MRE11: variants seen among roughly 807,000 people sequenced by gnomAD.
MRE11 encodes double-strand break repair protein MRE11.
In MRE11, 62 loss-of-function variants were observed where a neutral mutation model predicts 91.7. The observed-to-expected ratio is 0.68, with a 90% CI of 0.55 to 0.84. MRE11 has a LOEUF of 0.84. Ranked by LOEUF, MRE11 falls within the 40% of genes least tolerant of loss-of-function variation. MRE11 has a pLI of 0.00. For missense variants in MRE11, 796 were observed against 852.9 expected (o/e 0.93, Z 0.83); for synonymous variants, 273 against 271.4 (o/e 1.01, Z -0.06).
intron 4 of MRE11, among the ~76,000 whole-genome samples, chr11:94,482,797 G>C (rs1455963632): frequency 2.0e-5 from 3 of 152,132 alleles, no homozygotes; most frequent in Non-Finnish European, 4.4e-5. Context: ...AATTAGCTGG[G>C]CATGGTGGTG....
chr11:94,488,010 G>C (rs1359358772), intron 3 of MRE11, among the ~76,000 whole-genome samples: 1 of 152,198 alleles, frequency 6.6e-6, no homozygotes, highest in African/African-American at 2.4e-5. Flanking sequence ...AAGAGAATGA[G>C]TAAATATAAT....
At chr11:94,478,932 T>C in intron 5 of MRE11, 56 bp from the exon 6 acceptor site, 1 of 1,563,816 alleles carries the variant, frequency 6.4e-7, no homozygotes, top group Admixed American at 1.7e-5. Context: ...GGTATCTGCA[T>C]GAATATCGTA....
Position 94,445,909 on chromosome 11 carries a change from A to G in MRE11, c.1784-16T>C. On this transcript the variant is annotated splice_polypyrimidine_tract_variant and intron_variant, in intron 15 of 19. Coordinates refer to ENST00000323929, the MANE Select transcript of MRE11 (RefSeq NM_005591.4). The stretch of plus-strand genomic sequence containing the variant: ...CCAGTGTCTGCTGTTAGAAAAATGA[A>G]CAGTCAATGTACAAGCCTATCAGCA... The G allele has an allele frequency of 6.3e-7, 1 of 1,587,538 alleles. No individual in the cohort carries two copies. Among genetic ancestry groups the G allele is most frequent in the Admixed American group, 1.7e-5 (1 of 59,978 alleles).
At chr11:94,421,230 T>A (rs1192169178) in intron 19 of MRE11, among the ~76,000 whole-genome samples, 1 of 152,198 alleles carries the variant, frequency 6.6e-6, no homozygotes, top group African/African-American at 2.4e-5. Flanking sequence ...AAAGCAAATT[T>A]GTTTATAAGT....
At chr11:94,485,725 G>C (rs1207799281) in intron 4 of MRE11, among the ~76,000 whole-genome samples, 199 bp downstream of exon 4, 1 of 151,582 alleles carries the variant, frequency 6.6e-6, no homozygotes, top group East Asian at 1.9e-4. Context: ...TCCCACCTCA[G>C]CTTCCCGAGT....
At position 94,437,231 on chromosome 11, in the gene MRE11, A is replaced by G. The variant is rs1219524480; in HGVS notation, c.1872T>C (p.Phe624=). Residue 624 remains phenylalanine, a synonymous_variant, in exon 17 of 20, where the codon TTT becomes TTC. Transcript: ENST00000323929. ...ASRNMSIIDA[F]KSTRQQPSRN... ...GGGAAGGCTGCTGTCTTGTAGATTT[A>G]AAGGCTAGAATGAAAAAGATGAAAT... 6.2e-7 allele frequency: 1 copy of G among 1,612,608 alleles called. No individual in the cohort carries two copies. Among genetic ancestry groups the G allele is most frequent in the Non-Finnish European group, 8.5e-7 (1 of 1,179,190 alleles).
chr11:94,433,651 C>T (rs140016117), intron 18 of MRE11, among the ~76,000 whole-genome samples: 147 of 152,310 alleles, frequency 9.7e-4, no homozygotes, highest in African/African-American at 3.3e-3. Flanking sequence ...AGATCTTTCA[C>T]TTGGCTCTTT....
chr11:94,470,429 T>C (rs1208959400), intron 9 of MRE11, 42 bp downstream of exon 9: 1 of 1,584,642 alleles, frequency 6.3e-7, no homozygotes. Flanking sequence ...GAATAATTCT[T>C]CAACTAAAGT....
intron 10 of MRE11, among the ~76,000 whole-genome samples, 195 bp from the exon 11 acceptor site, chr11:94,464,434 A>C (rs1414818900): frequency 2.0e-5 from 3 of 152,262 alleles, no homozygotes; most frequent in Admixed American, 2.0e-4. Flanking sequence ...GTTTATAAGC[A>C]TAAGCAAAAT....
intron 17 of MRE11, among the ~76,000 whole-genome samples, chr11:94,436,420 A>T (rs1173022923): frequency 6.6e-6 from 1 of 152,248 alleles, no homozygotes; most frequent in African/African-American, 2.4e-5. Context: ...CATTTGATAC[A>T]TACATTTGCC....
chr11:94,466,980 C>T (rs566228506), intron 10 of MRE11, among the ~76,000 whole-genome samples: 4 of 152,154 alleles, frequency 2.6e-5, no homozygotes, highest in South Asian at 2.1e-4. Flanking sequence ...TGAGACGGGA[C>T]GGATACAAAT....
the MRE11 span, among the ~76,000 whole-genome samples, chr11:94,506,131 G>A: frequency 6.6e-6 from 1 of 151,712 alleles, no homozygotes; most frequent in South Asian, 2.1e-4. Flanking sequence ...AATTTTAAAA[G>A]GATAACCCAA....
intron 3 of MRE11, among the ~76,000 whole-genome samples, chr11:94,487,547 A>G (rs1399587137): frequency 6.6e-6 from 1 of 152,244 alleles, no homozygotes; most frequent in Non-Finnish European, 1.5e-5. Flanking sequence ...AGACATGGCA[A>G]CTAAATGCAA....
intron 16 of MRE11, among the ~76,000 whole-genome samples, chr11:94,445,027 A>T (rs1945886230): frequency 6.6e-6 from 1 of 152,166 alleles, no homozygotes; most frequent in African/African-American, 2.4e-5. Context: ...AGTTAAACAG[A>T]TCCCCTTGAG....
intron 13 of MRE11, 105 bp from the exon 14 acceptor site, chr11:94,456,443 A>G: frequency 1.2e-6 from 1 of 829,936 alleles, no homozygotes; most frequent in Non-Finnish European, 2.0e-6. Flanking sequence ...AAAACTTGCA[A>G]ATTTAACAAT....
chr11:94,478,494 T>TA (rs1415647744), intron 6 of MRE11, among the ~76,000 whole-genome samples: 1 of 152,132 alleles, frequency 6.6e-6, no homozygotes, highest in Non-Finnish European at 1.5e-5. Context: ...CTAATTATTC[T>TA]ATAATTCTAA....
chr11:94,456,713 T>C (rs1461762776), intron 13 of MRE11, among the ~76,000 whole-genome samples: 1 of 152,194 alleles, frequency 6.6e-6, no homozygotes, highest in Non-Finnish European at 1.5e-5. Flanking sequence ...AAATCACTCT[T>C]GTGCACCTTG....
At chr11:94,472,189 AAATAT>A (rs1327094046) in intron 7 of MRE11, among the ~76,000 whole-genome samples, 2 of 152,100 alleles carry the variant, frequency 1.3e-5, no homozygotes, top group African/African-American at 2.4e-5. Flanking sequence ...TTTTACTAAT[AAATAT>A]AATGGGAGTA....
intron 19 of MRE11, among the ~76,000 whole-genome samples, chr11:94,426,506 G>C (rs1473705495): frequency 4.0e-5 from 6 of 149,382 alleles, no homozygotes; most frequent in African/African-American, 1.5e-4. Context: ...GGAGGAACTA[G>C]AAATAAAAGA....
Sources: gnomAD v4.1 joint callset for allele counts (sites outside exome capture counted in the v4.1 genomes callset) on GRCh38, gnomAD v4.1.1 for gene constraint, MANE v1.5 for transcripts, NCBI Gene and HGNC (gene_info 2026-07-23, HGNC 2026-07-21) for gene names.